The following NRXN1 variants were observed in gnomAD, a reference collection of about 807,000 sequenced individuals.
NRXN1 encodes the protein neurexin-1.
Under a neutral mutation model 150.9 loss-of-function variants are expected in NRXN1, and 39 were observed. The ratio of observed to expected loss-of-function variants is 0.26; its 90% CI spans 0.20 to 0.34. The LOEUF is 0.34. Among genes scored for constraint, NRXN1 ranks in the 10% least tolerant of loss-of-function variants. The probability of loss-of-function intolerance (pLI) is 1.00; values close to 1 mark genes in which losing one functional copy is unlikely to be tolerated. For synonymous variants in NRXN1, 924 were observed against 757.0 expected (o/e 1.22, Z -3.62); for missense variants, 1,815 against 1,949.9 (o/e 0.93, Z 1.30).
chr2:50,015,517 A>AG (rs1686437081), intron 21 of NRXN1, among the ~76,000 whole-genome samples: 2 of 48,462 alleles, frequency 4.1e-5, no homozygotes, highest in Non-Finnish European at 7.3e-5. Context: ...GATTTCTGCC[A>AG]AAAAAAAAAA....
chr2:50,441,700 TGGAA>T (rs2085967648), intron 17 of NRXN1, among the ~76,000 whole-genome samples: 1 of 152,194 alleles, frequency 6.6e-6, no homozygotes, highest in African/African-American at 2.4e-5. Context: ...TAGTCATAAA[TGGAA>T]GGAACAGGGA....
chr2:50,329,839 A>C (rs1342042736), intron 17 of NRXN1, among the ~76,000 whole-genome samples: 1 of 150,070 alleles, frequency 6.7e-6, no homozygotes, highest in Non-Finnish European at 1.5e-5. Flanking sequence ...ATGCCCGGCT[A>C]ATTTTTTTAA....
At chr2:50,732,431 A>G (rs1321702749) in intron 5 of NRXN1, among the ~76,000 whole-genome samples, 1 of 152,170 alleles carries the variant, frequency 6.6e-6, no homozygotes, top group Non-Finnish European at 1.5e-5. Context: ...AGTTATCAAC[A>G]TCATGAGAAT....
intron 18 of NRXN1, among the ~76,000 whole-genome samples, chr2:50,165,007 G>T (rs1340988281): frequency 6.6e-6 from 1 of 152,064 alleles, no homozygotes; most frequent in Non-Finnish European, 1.5e-5. Context: ...TCACCTGGAG[G>T]TTTCTGAAAG....
chr2:50,031,913 T>C (rs1190140416), intron 21 of NRXN1, among the ~76,000 whole-genome samples: 1 of 152,084 alleles, frequency 6.6e-6, no homozygotes, highest in African/African-American at 2.4e-5. Context: ...CTAATGAATG[T>C]GTCTGGCCTT....
intron 17 of NRXN1, among the ~76,000 whole-genome samples, chr2:50,247,850 T>G (rs1026241172): frequency 6.6e-6 from 1 of 152,174 alleles, no homozygotes; most frequent in Non-Finnish European, 1.5e-5. Flanking sequence ...GTTAATTTCC[T>G]GGTTTTAATC....
intron 9 of NRXN1, among the ~76,000 whole-genome samples, chr2:50,542,342 A>G (rs1484654444): frequency 6.6e-6 from 1 of 152,174 alleles, no homozygotes; most frequent in African/African-American, 2.4e-5. Context: ...AGACAGAAAG[A>G]AAAAGGGATA....
At chr2:49,975,989 A>G (rs1250563975) in intron 21 of NRXN1, among the ~76,000 whole-genome samples, 1 of 151,604 alleles carries the variant, frequency 6.6e-6, no homozygotes, top group African/African-American at 2.4e-5. Flanking sequence ...GCATGTATAC[A>G]CACACAAATG....
At chr2:50,397,733 T>G (rs78641952) in intron 17 of NRXN1, among the ~76,000 whole-genome samples, 160 of 152,280 alleles carry the variant, frequency 1.1e-3, no homozygotes, top group African/African-American at 3.5e-3. Context: ...AAATCTGTTG[T>G]GTTTAGAATG....
intron 18 of NRXN1, among the ~76,000 whole-genome samples, chr2:50,234,724 T>C (rs1456154007): frequency 1.3e-5 from 2 of 151,792 alleles, no homozygotes; most frequent in Admixed American, 1.3e-4. Context: ...GCAAGGGAGA[T>C]TTTGAAGATA....
intron 18 of NRXN1, among the ~76,000 whole-genome samples, chr2:50,224,135 A>G (rs2064138775): frequency 6.6e-6 from 1 of 152,028 alleles, no homozygotes; most frequent in Non-Finnish European, 1.5e-5. Context: ...ATAAAATAAT[A>G]CACTACAAAG....
intron 18 of NRXN1, among the ~76,000 whole-genome samples, chr2:50,107,617 T>G (rs1166680994): frequency 6.7e-6 from 1 of 149,674 alleles, no homozygotes; most frequent in Non-Finnish European, 1.5e-5. Context: ...TACCCAGCTA[T>G]GTACCTGGTT....
intron 21 of NRXN1, chr2:49,972,952 C>A (rs1391315006): frequency 6.6e-6 from 1 of 152,464 alleles, no homozygotes; most frequent in Non-Finnish European, 1.5e-5. Context: ...TCACTCCAAG[C>A]ATGCCAATCC....
chr2:50,167,912 T>A (rs1174832080), intron 18 of NRXN1, among the ~76,000 whole-genome samples: 1 of 152,224 alleles, frequency 6.6e-6, no homozygotes, highest in Non-Finnish European at 1.5e-5. Context: ...TTCAGTTTAT[T>A]TCTCCACTAG....
chr2:50,462,819 A>T (rs1014011575), intron 17 of NRXN1, among the ~76,000 whole-genome samples: 4 of 151,806 alleles, frequency 2.6e-5, no homozygotes, highest in African/African-American at 9.7e-5. Context: ...CCCATTGTTA[A>T]TTATATCTCC....
At chr2:50,457,705 A>C (rs916591296) in intron 17 of NRXN1, among the ~76,000 whole-genome samples, 2 of 152,158 alleles carry the variant, frequency 1.3e-5, no homozygotes, top group Non-Finnish European at 2.9e-5. Flanking sequence ...AGGAATATAA[A>C]AAAAATGCTT....
chr2:50,086,577 A>C (rs1032815525), intron 19 of NRXN1, among the ~76,000 whole-genome samples: 2 of 152,166 alleles, frequency 1.3e-5, no homozygotes, highest in African/African-American at 4.8e-5. Context: ...AACAGTAATC[A>C]AACTCGGCAT....
At chr2:50,977,127 C>T (rs1206794837) in intron 2 of NRXN1, among the ~76,000 whole-genome samples, 2 of 151,962 alleles carry the variant, frequency 1.3e-5, no homozygotes, top group East Asian at 1.9e-4. Context: ...ACCTCTTGGT[C>T]TGCTAATTAT....
chr2:50,406,901 A>G (rs1464667915), intron 17 of NRXN1, among the ~76,000 whole-genome samples: 1 of 149,694 alleles, frequency 6.7e-6, no homozygotes, highest in Non-Finnish European at 1.5e-5. Flanking sequence ...TGAATCTTTA[A>G]AGCTCAATTT....
Sources: gnomAD v4.1 joint callset for allele counts (sites outside exome capture counted in the v4.1 genomes callset) on GRCh38, gnomAD v4.1.1 for gene constraint, MANE v1.5 for transcripts, NCBI Gene and HGNC (gene_info 2026-07-23, HGNC 2026-07-21) for gene names.